PBX1: variants seen among roughly 807,000 people sequenced by gnomAD.
PBX1 encodes the protein PBX homeobox 1.
PBX1 carries 6 observed loss-of-function variants against 53.4 expected under a neutral mutation model. That is an observed-to-expected ratio of 0.11 (90% CI 0.06 to 0.22). The LOEUF (loss-of-function observed/expected upper bound fraction) is 0.22, where lower values mean the gene tolerates loss of function less well. PBX1 is among the 10% of genes least tolerant of loss of function. The probability of loss-of-function intolerance (pLI) is 1.00; values close to 1 mark genes in which losing one functional copy is unlikely to be tolerated. For synonymous variants in PBX1, 204 were observed against 212.3 expected (o/e 0.96, Z 0.34); for missense variants, 251 against 551.4 (o/e 0.46, Z 5.46).
At chr1:164,660,970 C>T (rs1660454617) in intron 2 of PBX1, among the ~76,000 whole-genome samples, 1 of 152,146 alleles carries the variant, frequency 6.6e-6, no homozygotes, top group African/African-American at 2.4e-5. Context: ...TATTCTGGTA[C>T]AGGAGGAAAC....
chr1:164,690,064 CAT>C (rs1662372332), intron 2 of PBX1, among the ~76,000 whole-genome samples: 1 of 152,152 alleles, frequency 6.6e-6, no homozygotes, highest in Non-Finnish European at 1.5e-5. Flanking sequence ...TGCAGGGTGA[CAT>C]ATGGTACTGA....
At chr1:164,643,860 TTGTACAAAATCAC>T (rs1355857254) in intron 2 of PBX1, among the ~76,000 whole-genome samples, 2 of 152,194 alleles carry the variant, frequency 1.3e-5, no homozygotes, top group African/African-American at 4.8e-5. Context: ...TCCAAAGCCC[TTGTACAAAATCAC>T]TGTGGTCTGA....
chr1:164,880,771 G>C (rs1420194089), intron 2 of PBX1, among the ~76,000 whole-genome samples: 2 of 152,148 alleles, frequency 1.3e-5, no homozygotes, highest in Non-Finnish European at 2.9e-5. Context: ...AGGATTATCA[G>C]TTCTGTACAT....
At chr1:164,721,056 G>T (rs570315630) in intron 2 of PBX1, among the ~76,000 whole-genome samples, 1 of 152,346 alleles carries the variant, frequency 6.6e-6, no homozygotes, top group Admixed American at 6.5e-5. Flanking sequence ...CCAGTGAGAA[G>T]ATGGCCGAGC....
intron 2 of PBX1, among the ~76,000 whole-genome samples, chr1:164,622,701 A>G (rs370473322): frequency 2.6e-5 from 4 of 152,066 alleles, no homozygotes; most frequent in East Asian, 1.9e-4. Context: ...TCTATGAAAT[A>G]TGGAATCCAG....
In PBX1 at chr1:164,635,542, G is replaced by A. The variant is rs17386781; in HGVS notation, c.265+72231G>A. ...AATCAACACTAATCAACATTTATTC[G>A]TCTCTTGCCCTTGGGTCTGAGGCGC... is the stretch of plus-strand genomic sequence containing the variant. On this transcript the variant is annotated intron_variant, in intron 2 of 8. Coordinates refer to ENST00000420696, the MANE Select transcript of PBX1 (RefSeq NM_002585.4). Among the ~76,000 whole-genome samples the A allele has an allele frequency of 1.7e-4, 26 of 152,154 alleles. 1 individual carries two copies. The South Asian group carries it at 1.9e-3, about 11-fold the overall frequency.
At position 164,847,719 on chromosome 1, in the gene PBX1, G is replaced by A. The variant is rs3185695; in HGVS notation, c.*1043G>A. ...CCTACATTAATAACTGTAGCACTAT[G>A]CCTTTTGAGCCCGAGAGAGGGAATT... On this transcript the variant is annotated 3_prime_UTR_variant, in exon 9 of 9. Coordinates refer to ENST00000420696, the MANE Select transcript of PBX1 (RefSeq NM_002585.4). 286,041 of 1,054,240 alleles carry A rather than the reference G, an allele frequency of 0.27. 40,339 individuals are homozygous for A. The highest frequency in any genetic ancestry group is 0.44 in the African/African-American group (26,783 of 60,382). The allele number at this position is 1,054,240 out of a possible 1,614,324, so 65.3% of individuals were successfully genotyped here.
intron 2 of PBX1, among the ~76,000 whole-genome samples, chr1:164,739,781 G>GTGTGTGTA (rs1665505874): frequency 6.6e-6 from 1 of 151,338 alleles, no homozygotes; most frequent in Admixed American, 6.6e-5. Flanking sequence ...GTGTGTGTGT[G>GTGTGTGTA]TGTGTGTGTA....
chr1:164,796,166 C>T (rs879437044), intron 3 of PBX1, among the ~76,000 whole-genome samples: 2 of 151,976 alleles, frequency 1.3e-5, no homozygotes, highest in South Asian at 2.1e-4. Context: ...CGTGCCACCA[C>T]GCCCGGCTAA....
At position 164,848,375 on chromosome 1, in the gene PBX1, T is replaced by C; in HGVS notation, c.*1699T>C. 9.5e-7 allele frequency: 1 copy of C among 1,056,200 alleles called. No homozygotes were observed. Among genetic ancestry groups the C allele is most frequent in the Non-Finnish European group, 1.1e-6 (1 of 873,528 alleles). 65.4% of individuals were successfully genotyped at this position (1,056,200 alleles called of 1,614,324 possible). A position where few individuals can be genotyped will look rare whatever the true frequency, so the allele number is the denominator to read the frequency against. ...TCTTCATCTGTGAGATGGGAACTGT[T>C]ATGCCTGGCTTACTAAGAGTCTTGT... On this transcript the variant is annotated 3_prime_UTR_variant, in exon 9 of 9. Transcript: ENST00000420696.
intron 2 of PBX1, among the ~76,000 whole-genome samples, chr1:164,738,670 T>C (rs1229743592): frequency 1.3e-5 from 2 of 152,208 alleles, no homozygotes. Flanking sequence ...ATCTTTTCCA[T>C]ACAGGACAAA....
At chr1:164,638,306 T>C (rs190273049) in intron 2 of PBX1, among the ~76,000 whole-genome samples, 3 of 152,288 alleles carry the variant, frequency 2.0e-5, no homozygotes, top group Admixed American at 1.3e-4. Context: ...TAGTGAGAGG[T>C]AGGAAAACAT....
chr1:164,673,465 C>CTTTTATT (rs1661226812), intron 2 of PBX1, among the ~76,000 whole-genome samples: 1 of 109,406 alleles, frequency 9.1e-6, no homozygotes, highest in African/African-American at 4.0e-5. Context: ...AAATTACTAA[C>CTTTTATT]TTTTTTTTTT....
chr1:164,801,774 C>A (rs74118206), intron 4 of PBX1, among the ~76,000 whole-genome samples: 2,381 of 152,280 alleles, frequency 0.016, 66 homozygotes, highest in African/African-American at 0.054. Context: ...AAACAACTAA[C>A]CTATTGTCAT....
chr1:164,864,070 T>TA (rs1672160125), intron 2 of PBX1, among the ~76,000 whole-genome samples: 1 of 152,176 alleles, frequency 6.6e-6, no homozygotes, highest in African/African-American at 2.4e-5. Flanking sequence ...AAAATGACCC[T>TA]AAGTGATATT....
chr1:164,602,006 C>T (rs556453102), intron 2 of PBX1, among the ~76,000 whole-genome samples: 68 of 152,274 alleles, frequency 4.5e-4, no homozygotes, highest in Middle Eastern at 3.4e-3. Flanking sequence ...AATGTTAATC[C>T]GTTTAGATAA....
rs972746031 is a variant in PBX1, at chr1:164,724,770, G to C, written c.266-67724G>C. Among the ~76,000 whole-genome samples, 4 of 143,558 alleles carry C rather than the reference G, an allele frequency of 2.8e-5. No homozygotes were observed. In the Admixed American group the frequency reaches 3.0e-4, roughly 11 times the overall value. 94.2% of individuals were successfully genotyped at this position (143,558 alleles called of 152,430 possible). A position where few individuals can be genotyped will look rare whatever the true frequency, so the allele number is the denominator to read the frequency against. On this transcript the variant is annotated intron_variant, in intron 2 of 8. Transcript: ENST00000420696. ...GCAACTCAAGTGCCTCATTAAAATG[G>C]GGAATGGTCTGCAATTTCTAAACCA... is the stretch of plus-strand genomic sequence containing the variant.
chr1:164,760,750 C>G (rs1246765825), intron 2 of PBX1, among the ~76,000 whole-genome samples: 1 of 152,118 alleles, frequency 6.6e-6, no homozygotes, highest in Non-Finnish European at 1.5e-5. Context: ...CCTTCTGGAC[C>G]TGGTTCAATT....
At chr1:164,565,308 TA>T (rs892785053) in intron 2 of PBX1, among the ~76,000 whole-genome samples, 14 of 152,124 alleles carry the variant, frequency 9.2e-5, no homozygotes, top group Admixed American at 3.9e-4. Context: ...TTTAGAGACT[TA>T]AAAAAATCTA....
Sources: allele counts gnomAD v4.1 joint callset (sites outside exome capture counted in the v4.1 genomes callset), GRCh38; gene constraint gnomAD v4.1.1; transcripts MANE v1.5; gene names NCBI Gene and HGNC (gene_info 2026-07-23, HGNC 2026-07-21).